The following ADAD1 variants were observed in gnomAD, a reference collection of about 807,000 sequenced individuals.
The protein encoded by ADAD1 is adenosine deaminase domain-containing protein 1.
ADAD1 carries 46 observed loss-of-function variants against 66.8 expected under a neutral mutation model. The observed-to-expected ratio is 0.69, with a 90% confidence interval of 0.54 to 0.88. The LOEUF is 0.88. Ranked by LOEUF, ADAD1 falls within the 40% of genes least tolerant of loss-of-function variation. ADAD1 has a pLI of 0.00. For missense variants in ADAD1, 617 were observed against 681.8 expected (o/e 0.91, Z 1.06); for synonymous variants, 248 against 229.4 (o/e 1.08, Z -0.73).
At chr4:122,391,394 G>C (rs956731917) in intron 5 of ADAD1, among the ~76,000 whole-genome samples, 59 of 152,348 alleles carry the variant, frequency 3.9e-4, no homozygotes, top group African/African-American at 1.4e-3. Context: ...CTTTGTTGGA[G>C]AGGGTGTGCT....
At position 122,411,051 on chromosome 4, in the gene ADAD1, C is replaced by G. The variant is rs116210447; in HGVS notation, c.849-171C>G. On this transcript the variant is annotated intron_variant, in intron 8 of 12. Coordinates refer to ENST00000296513, the MANE Select transcript of ADAD1 (RefSeq NM_139243.4). ...AGACTGGGCTCCAGTTGAGAACTTT[C>G]AAGAAACTTAATTTTTCATTAAATA... Among the ~76,000 whole-genome samples, 475 of 152,210 alleles carry G rather than the reference C, an allele frequency of 3.1e-3. 3 individuals carry two copies. Among genetic ancestry groups the G allele is most frequent in the African/African-American group, 0.011 (462 of 41,544 alleles).
At chr4:122,380,309 T>C (rs1187053306) in intron 3 of ADAD1, 68 bp downstream of exon 3, 1 of 1,523,356 alleles carries the variant, frequency 6.6e-7, no homozygotes, top group African/African-American at 1.4e-5. Flanking sequence ...GTAAGTTCTG[T>C]CGAGTCTCTG....
chr4:122,424,887 C>A lies in ADAD1; in HGVS notation c.1617+3497C>A, dbSNP rs555160985. On this transcript the variant is annotated intron_variant, in intron 12 of 12. Coordinates refer to ENST00000296513, the MANE Select transcript of ADAD1 (RefSeq NM_139243.4). ...TGCAAGTTATAAGGATGAAAAAAGA[C>A]CTATCATGTAAATGATAACAAGACA... is the stretch of plus-strand genomic sequence containing the variant. 5.3e-5 allele frequency among the ~76,000 whole-genome samples: 8 copies of A among 152,054 alleles called. No individual in the cohort carries two copies. In the South Asian group the frequency reaches 1.7e-3, roughly 32 times the overall value.
chr4:122,404,656 C>T (rs899857086), intron 7 of ADAD1, among the ~76,000 whole-genome samples: 35 of 152,118 alleles, frequency 2.3e-4, no homozygotes, highest in Admixed American at 1.8e-3. Flanking sequence ...AGTCTCCACA[C>T]GCTATTCTGT....
intron 8 of ADAD1, among the ~76,000 whole-genome samples, chr4:122,409,774 A>C (rs935184076): frequency 6.6e-6 from 1 of 152,082 alleles, no homozygotes; most frequent in East Asian, 1.9e-4. Context: ...ATCTCCACTC[A>C]CTGCAACCTC....
chr4:122,396,146 T>C (rs942122131), intron 6 of ADAD1, 106 bp from the exon 7 acceptor site: 66 of 978,720 alleles, frequency 6.7e-5, no homozygotes, highest in Non-Finnish European at 8.6e-5. Context: ...CTTACAGATG[T>C]CTATATATTA....
intron 5 of ADAD1, among the ~76,000 whole-genome samples, chr4:122,392,863 C>T (rs1305124376): frequency 6.6e-6 from 1 of 152,054 alleles, no homozygotes; most frequent in East Asian, 1.9e-4. Context: ...TTCTTTTACT[C>T]GTATGAGCTC....
chr4:122,427,522 CCTT>C (rs1218887677), intron 12 of ADAD1, among the ~76,000 whole-genome samples: 2 of 85,190 alleles, frequency 2.3e-5, no homozygotes, highest in South Asian at 3.7e-4. Context: ...AATCCAAAGG[CCTT>C]TTTTTTTTTT....
intron 5 of ADAD1, among the ~76,000 whole-genome samples, chr4:122,387,904 C>A (rs1028244032): frequency 6.6e-6 from 1 of 151,884 alleles, no homozygotes; most frequent in Non-Finnish European, 1.5e-5. Context: ...GGACTACAGG[C>A]ACCTGCCACC....
chr4:122,398,933 T>C (rs1217659718), intron 7 of ADAD1, among the ~76,000 whole-genome samples: 1 of 152,214 alleles, frequency 6.6e-6, no homozygotes, highest in African/African-American at 2.4e-5. Flanking sequence ...GTCTGATTAC[T>C]CTGCTGATTA....
chr4:122,401,749 C>G (rs1188217946), intron 7 of ADAD1, among the ~76,000 whole-genome samples: 2 of 151,862 alleles, frequency 1.3e-5, no homozygotes, highest in Non-Finnish European at 2.9e-5. Context: ...TATATGATGT[C>G]CCTCTGTGTC....
chr4:122,420,782 A>G (rs1270083989), intron 11 of ADAD1, among the ~76,000 whole-genome samples: 1 of 152,202 alleles, frequency 6.6e-6, no homozygotes, highest in African/African-American at 2.4e-5. Flanking sequence ...ACATACAGGA[A>G]GGCTTGTGAC....
chr4:122,391,656 G>GC (rs1366732946), intron 5 of ADAD1, among the ~76,000 whole-genome samples: 1 of 152,200 alleles, frequency 6.6e-6, no homozygotes, highest in Admixed American at 6.5e-5. Flanking sequence ...GACTGCCACA[G>GC]CCGGTATGTT....
chr4:122,426,169 G>C (rs1276818972), intron 12 of ADAD1, among the ~76,000 whole-genome samples: 1 of 151,942 alleles, frequency 6.6e-6, no homozygotes, highest in Non-Finnish European at 1.5e-5. Flanking sequence ...AAAAAAGGTG[G>C]TTATCACTAC....
intron 11 of ADAD1, 106 bp from the exon 12 acceptor site, chr4:122,421,155 A>G (rs1039938188): frequency 4.0e-5 from 36 of 905,778 alleles, no homozygotes; most frequent in Non-Finnish European, 5.4e-5. Flanking sequence ...GTATATTGCA[A>G]ATAATCAAGA....
chr4:122,406,810 T>C (rs1454186239), intron 7 of ADAD1, among the ~76,000 whole-genome samples: 4 of 152,162 alleles, frequency 2.6e-5, no homozygotes, highest in Admixed American at 2.6e-4. Flanking sequence ...TCGCTGGTGC[T>C]GAAGCTTAAA....
At chr4:122,417,162 C>T (rs1796775366) in intron 11 of ADAD1, among the ~76,000 whole-genome samples, 1 of 151,810 alleles carries the variant, frequency 6.6e-6, no homozygotes, top group African/African-American at 2.4e-5. Flanking sequence ...TGGCGAAACC[C>T]CATCTCTACT....
At chr4:122,411,995 G>C (rs1796487705) in intron 9 of ADAD1, among the ~76,000 whole-genome samples, 2 of 152,162 alleles carry the variant, frequency 1.3e-5, no homozygotes, top group Non-Finnish European at 2.9e-5. Context: ...TTGCTTTGAT[G>C]AATGAATATC....
chr4:122,382,338 A>G (rs1007223631), intron 4 of ADAD1, among the ~76,000 whole-genome samples: 2 of 152,252 alleles, frequency 1.3e-5, no homozygotes, highest in Non-Finnish European at 2.9e-5. Context: ...GAATTTTTTA[A>G]TAGCTCTATG....
Sources: gnomAD v4.1 joint callset for allele counts (sites outside exome capture counted in the v4.1 genomes callset) on GRCh38, gnomAD v4.1.1 for gene constraint, MANE v1.5 for transcripts, NCBI Gene and HGNC (gene_info 2026-07-23, HGNC 2026-07-21) for gene names.